EPS15L1: variants seen among roughly 807,000 people sequenced by gnomAD.
EPS15L1 encodes epidermal growth factor receptor pathway substrate 15 like 1.
A neutral mutation model predicts 117.1 loss-of-function variants in EPS15L1; 43 were observed. The ratio of observed to expected loss-of-function variants is 0.37; its 90% CI spans 0.29 to 0.47. The LOEUF (loss-of-function observed/expected upper bound fraction) is 0.47. Ranked by LOEUF, EPS15L1 falls within the 20% of genes least tolerant of loss-of-function variation. The pLI is 0.99. For missense variants in EPS15L1, 981 were observed against 1,164.0 expected, an observed-to-expected ratio of 0.84 and a Z score of 2.29; for synonymous variants, 459 against 470.5, an observed-to-expected ratio of 0.98 and a Z score of 0.32.
At chr19:16,440,940 G>C (rs1364620404) in intron 3 of EPS15L1, 31 bp from the exon 4 acceptor site, 3 of 1,611,946 alleles carry the variant, frequency 1.9e-6, no homozygotes, top group Non-Finnish European at 2.5e-6. Flanking sequence ...TCATAAGCAT[G>C]ACTGCCGATC....
intron 2 of EPS15L1, 34 bp from the exon 3 acceptor site, chr19:16,442,015 T>C (rs768109445): frequency 3.8e-6 from 6 of 1,582,982 alleles, no homozygotes; most frequent in Non-Finnish European, 5.2e-6. Context: ...AAATAACTTT[T>C]CAGCAAATGC....
At chr19:16,411,290 C>A (rs2092703526) in intron 13 of EPS15L1, among the ~76,000 whole-genome samples, 1 of 152,108 alleles carries the variant, frequency 6.6e-6, no homozygotes, top group Non-Finnish European at 1.5e-5. Context: ...TTGCCAGGGG[C>A]TGGAGAAAGG....
At chr19:16,419,676 C>G (rs997801249) in intron 10 of EPS15L1, among the ~76,000 whole-genome samples, 1 of 152,228 alleles carries the variant, frequency 6.6e-6, no homozygotes, top group African/African-American at 2.4e-5. Context: ...TTCTAACAGA[C>G]TTATTTATAC....
At chr19:16,363,851 G>A (rs1237190645) in intron 22 of EPS15L1, among the ~76,000 whole-genome samples, 1 of 152,164 alleles carries the variant, frequency 6.6e-6, no homozygotes, top group African/African-American at 2.4e-5. Context: ...GCCAGCATAA[G>A]GACTGCTGCT....
intron 13 of EPS15L1, among the ~76,000 whole-genome samples, chr19:16,411,123 C>T (rs1053199280): frequency 6.6e-6 from 1 of 152,076 alleles, no homozygotes; most frequent in African/African-American, 2.4e-5. Context: ...AACAGGTGTT[C>T]GCACGAAAAC....
At chr19:16,414,633 T>C (rs911548606) in intron 12 of EPS15L1, among the ~76,000 whole-genome samples, 1 of 151,636 alleles carries the variant, frequency 6.6e-6, no homozygotes, top group African/African-American at 2.4e-5. Flanking sequence ...TCTCCTGACC[T>C]AGTGATCCGC....
At chr19:16,470,052 C>T (rs983396551) in intron 1 of EPS15L1, among the ~76,000 whole-genome samples, 2 of 152,094 alleles carry the variant, frequency 1.3e-5, no homozygotes, top group Middle Eastern at 3.2e-3. Context: ...CTTCATTCAA[C>T]AAATGTATAG....
Position 16,426,537 on chromosome 19 carries a change from A to T in EPS15L1, c.559-1221T>A, listed in dbSNP as rs373204716. ...ACCTATAATCCCAGTTACTTGGAAG[A>T]CTGAGGCAGGAGAATCGCTTGAATC... On this transcript the variant is annotated intron_variant, in intron 8 of 23. Transcript: ENST00000455140. Among the ~76,000 whole-genome samples the T allele has an allele frequency of 3.5e-4, 53 of 152,110 alleles. 1 individual carries two copies. The highest frequency in any genetic ancestry group is 1.2e-3 in the African/African-American group (50 of 41,416).
At chr19:16,406,212 T>C (rs2092654830) in intron 13 of EPS15L1, among the ~76,000 whole-genome samples, 1 of 152,186 alleles carries the variant, frequency 6.6e-6, no homozygotes, top group Non-Finnish European at 1.5e-5. Flanking sequence ...CCTGCCTCGA[T>C]AGGCAAATCA....
chr19:16,455,713 A>C (rs560151370), intron 1 of EPS15L1, among the ~76,000 whole-genome samples: 2 of 152,334 alleles, frequency 1.3e-5, no homozygotes, highest in African/African-American at 2.4e-5. Context: ...TCTGTGCCTC[A>C]GCTTCTGCAT....
intron 1 of EPS15L1, among the ~76,000 whole-genome samples, chr19:16,454,311 C>T (rs1392108367): frequency 6.6e-6 from 1 of 152,156 alleles, no homozygotes; most frequent in Non-Finnish European, 1.5e-5. Flanking sequence ...GAGAAGGGGG[C>T]AATCTAGCAG....
At chr19:16,436,662 C>T in intron 6 of EPS15L1, 1 of 378,808 alleles carries the variant, frequency 2.6e-6, no homozygotes, top group Non-Finnish European at 4.8e-6. Context: ...AAACTGCAGC[C>T]CTTTAATAAT....
chr19:16,443,285 G>A (rs2093050473), intron 1 of EPS15L1, among the ~76,000 whole-genome samples: 1 of 152,182 alleles, frequency 6.6e-6, no homozygotes, highest in South Asian at 2.1e-4. Context: ...TGGGACTGCT[G>A]TTGTACGATT....
intron 1 of EPS15L1, among the ~76,000 whole-genome samples, chr19:16,453,354 C>T (rs1160714842): frequency 6.6e-6 from 1 of 152,160 alleles, no homozygotes; most frequent in East Asian, 1.9e-4. Context: ...ATCTTCCCAC[C>T]GGGGCCTCCC....
Position 16,381,755 on chromosome 19 carries a change from A to T in EPS15L1, c.2247+3374T>A, listed in dbSNP as rs2092365229. Among the ~76,000 whole-genome samples the T allele has an allele frequency of 6.6e-6, 1 of 152,182 alleles. No individual in the cohort carries two copies. Among genetic ancestry groups the T allele is most frequent in the African/African-American group, 2.4e-5 (1 of 41,430 alleles). ...GTTTAGGGTCGGCTGTTTGGGAAAGAATGGGGGAAAAACACTGGCCCGTCT... is the reference window on the plus strand; with the variant it reads ...GTTTAGGGTCGGCTGTTTGGGAAAGTATGGGGGAAAAACACTGGCCCGTCT... On this transcript the variant is annotated intron_variant, in intron 21 of 23. Transcript: ENST00000455140. This position sits in a 1 kb window ranked among gnomAD's most constrained non-coding sequence, Gnocchi z 4.2.
Position 16,392,448 on chromosome 19 carries a change from G to A in EPS15L1, c.1967-8C>T, listed in dbSNP as rs1346118906. Reference sequence around the variant, plus strand: ...GGTCCCCTCCAAATGGATCTAGAAGGAAAAATGCCCCATAAGTAAACATTA... The same window carrying A: ...GGTCCCCTCCAAATGGATCTAGAAGAAAAAATGCCCCATAAGTAAACATTA... On this transcript the variant is annotated splice_region_variant and splice_polypyrimidine_tract_variant and intron_variant, in intron 18 of 23. Transcript: ENST00000455140. The A allele has an allele frequency of 1.2e-6, 2 of 1,612,610 alleles. No individual in the cohort carries two copies. The highest frequency in any genetic ancestry group is 1.7e-6 in the Non-Finnish European group (2 of 1,179,272).
At chr19:16,402,814 G>A (rs1414524906) in intron 15 of EPS15L1, among the ~76,000 whole-genome samples, 1 of 152,048 alleles carries the variant, frequency 6.6e-6, no homozygotes, top group Admixed American at 6.6e-5. Context: ...TGAACTCCTG[G>A]CCTCAAGTGA....
intron 11 of EPS15L1, 73 bp downstream of exon 11, chr19:16,417,875 C>T: frequency 3.2e-6 from 5 of 1,546,152 alleles, no homozygotes; most frequent in African/African-American, 2.7e-5. Context: ...CTCATGTGTG[C>T]CACCAGTGCC....
At chr19:16,414,176 G>T (rs938504327) in intron 12 of EPS15L1, among the ~76,000 whole-genome samples, 1 of 152,176 alleles carries the variant, frequency 6.6e-6, no homozygotes, top group Non-Finnish European at 1.5e-5. Flanking sequence ...GGGGCCACGT[G>T]AGGGGGAACA....
Sources: gnomAD v4.1 joint callset for allele counts (sites outside exome capture counted in the v4.1 genomes callset) on GRCh38, gnomAD v4.1.1 for gene constraint, Gnocchi (gnomAD v3.1) non-coding constraint, MANE v1.5 for transcripts, NCBI Gene and HGNC (gene_info 2026-07-23, HGNC 2026-07-21) for gene names.